STPG4: variants seen among roughly 807,000 people sequenced by gnomAD.
The protein encoded by STPG4 is sperm-tail PG-rich repeat containing 4.
A neutral mutation model predicts 31.5 loss-of-function variants in STPG4; 41 were observed. That is an observed-to-expected ratio of 1.30 (90% CI 1.01 to 1.69). The LOEUF (loss-of-function observed/expected upper bound fraction) is 1.69, where lower values mean the gene tolerates loss of function less well. Among genes scored for constraint, STPG4 ranks in the 40% most tolerant of loss-of-function variants. The pLI is 0.00. For missense variants in STPG4, 375 were observed against 293.4 expected (o/e 1.28, Z -2.03); for synonymous variants, 141 against 103.0 (o/e 1.37, Z -2.24).
chr2:47,087,157 T>C (rs1001478393), intron 6 of STPG4, 27 bp from the exon 7 acceptor site: 13 of 1,550,266 alleles, frequency 8.4e-6, no homozygotes, highest in Non-Finnish European at 1.1e-5. Context: ...AAACAGGGAC[T>C]GATGAGACAG....
intron 3 of STPG4, among the ~76,000 whole-genome samples, chr2:47,140,351 G>A (rs1175626870): frequency 6.6e-6 from 1 of 152,080 alleles, no homozygotes; most frequent in Non-Finnish European, 1.5e-5. Context: ...CCAGCAGCAG[G>A]GGCAGGATTT....
intron 5 of STPG4, among the ~76,000 whole-genome samples, chr2:47,128,488 A>C (rs1336255142): frequency 1.3e-5 from 2 of 152,066 alleles, no homozygotes; most frequent in African/African-American, 4.8e-5. Flanking sequence ...ACTCTATACT[A>C]CTGCAGCTAA....
chr2:47,147,217 C>A (rs1303467349), intron 3 of STPG4, among the ~76,000 whole-genome samples: 8 of 152,118 alleles, frequency 5.3e-5, no homozygotes, highest in African/African-American at 1.9e-4. Flanking sequence ...CAGTGCCCAT[C>A]AGAGGTGAAG....
At chr2:47,130,973 C>G (rs886651324) in intron 3 of STPG4, among the ~76,000 whole-genome samples, 1 of 151,914 alleles carries the variant, frequency 6.6e-6, no homozygotes, top group Non-Finnish European at 1.5e-5. Context: ...TGCCACTGCA[C>G]CCAGCTACTT....
At chr2:47,117,142 G>C (rs775803897) in intron 5 of STPG4, among the ~76,000 whole-genome samples, 3 of 152,130 alleles carry the variant, frequency 2.0e-5, no homozygotes, top group Non-Finnish European at 4.4e-5. Context: ...TTGCTGGGAA[G>C]CTTATCAAGC....
chr2:47,126,554 T>C (rs1264373328), intron 5 of STPG4, among the ~76,000 whole-genome samples: 1 of 152,186 alleles, frequency 6.6e-6, no homozygotes, highest in Non-Finnish European at 1.5e-5. Context: ...CTTGAACTGC[T>C]GGACTCAAGC....
chr2:47,114,841 C>G (rs1470137635), intron 5 of STPG4, among the ~76,000 whole-genome samples: 1 of 152,038 alleles, frequency 6.6e-6, no homozygotes, highest in Non-Finnish European at 1.5e-5. Context: ...GATCTTGGCT[C>G]ACTGAAACCT....
In STPG4 at chr2:47,096,275, G is replaced by A. The variant is rs556914030; in HGVS notation, c.520-5901C>T. Among the ~76,000 whole-genome samples the A allele has an allele frequency of 3.9e-5, 6 of 152,298 alleles. No individual in the cohort carries two copies. The South Asian group carries it at 1.2e-3, about 32-fold the overall frequency. Reference sequence around the variant, plus strand: ...ATAGGATGCTATGGAGAGCACCTCAGAGAGTAAACCCATCTGGTCCAAGGG... The same window carrying A: ...ATAGGATGCTATGGAGAGCACCTCAAAGAGTAAACCCATCTGGTCCAAGGG... On this transcript the variant is annotated intron_variant, in intron 5 of 6. Coordinates refer to ENST00000445927, the MANE Select transcript of STPG4 (RefSeq NM_001163561.2).
chr2:47,106,982 T>C (rs1315893130), intron 5 of STPG4, among the ~76,000 whole-genome samples: 1 of 151,944 alleles, frequency 6.6e-6, no homozygotes, highest in Non-Finnish European at 1.5e-5. Context: ...ACCTCCCCTC[T>C]GGAGGACACT....
chr2:47,120,070 C>T (rs1351583162), intron 5 of STPG4, among the ~76,000 whole-genome samples: 3 of 152,278 alleles, frequency 2.0e-5, no homozygotes, highest in East Asian at 3.9e-4. Flanking sequence ...GTGGCTCATG[C>T]CTGTAATCCC....
chr2:47,093,316 G>T (rs1294732283), intron 5 of STPG4, among the ~76,000 whole-genome samples: 1 of 152,224 alleles, frequency 6.6e-6, no homozygotes, highest in Non-Finnish European at 1.5e-5. Context: ...TGTGACAGAG[G>T]TTGCTGTCAG....
intron 3 of STPG4, among the ~76,000 whole-genome samples, chr2:47,150,098 T>C (rs1421227345): frequency 1.3e-5 from 2 of 152,224 alleles, no homozygotes; most frequent in African/African-American, 4.8e-5. Context: ...GCATGTAAAA[T>C]GGAGTTAATA....
intron 5 of STPG4, among the ~76,000 whole-genome samples, chr2:47,121,449 G>C (rs1414543532): frequency 6.6e-6 from 1 of 152,150 alleles, no homozygotes; most frequent in Non-Finnish European, 1.5e-5. Flanking sequence ...AAGCTGATGA[G>C]TCGTTTTGAA....
intron 5 of STPG4, among the ~76,000 whole-genome samples, chr2:47,113,249 G>A (rs1253823463): frequency 1.3e-5 from 2 of 152,070 alleles, no homozygotes; most frequent in Non-Finnish European, 1.5e-5. Flanking sequence ...TGACACAGAC[G>A]TTTTAGATTT....
At chr2:47,114,710 G>C (rs1018914918) in intron 5 of STPG4, among the ~76,000 whole-genome samples, 1 of 152,108 alleles carries the variant, frequency 6.6e-6, no homozygotes, top group Non-Finnish European at 1.5e-5. Context: ...ACAGGTTCAT[G>C]TCTTTGTGAG....
At chr2:47,142,865 CA>C (rs1367994541) in intron 3 of STPG4, among the ~76,000 whole-genome samples, 9 of 69,304 alleles carry the variant, frequency 1.3e-4, no homozygotes, top group Non-Finnish European at 2.1e-4. Flanking sequence ...TTTTTTGAGA[CA>C]GAGTTTTGCT....
intron 3 of STPG4, among the ~76,000 whole-genome samples, chr2:47,146,050 A>G (rs1046212595): frequency 6.6e-6 from 1 of 152,196 alleles, no homozygotes; most frequent in African/African-American, 2.4e-5. Context: ...TTGAGGTAGG[A>G]GTGTGAGTGC....
chr2:47,131,992 C>G (rs1686494411), intron 3 of STPG4, among the ~76,000 whole-genome samples: 1 of 152,116 alleles, frequency 6.6e-6, no homozygotes, highest in Non-Finnish European at 1.5e-5. Context: ...TGGCAAAACC[C>G]TGTCTCTACT....
At chr2:47,096,550 T>C (rs1011392611) in intron 5 of STPG4, among the ~76,000 whole-genome samples, 7 of 152,250 alleles carry the variant, frequency 4.6e-5, no homozygotes, top group African/African-American at 1.7e-4. Context: ...CGCCGAGATA[T>C]CTTCATCTGT....
Sources: allele counts gnomAD v4.1 joint callset (sites outside exome capture counted in the v4.1 genomes callset), GRCh38; gene constraint gnomAD v4.1.1; transcripts MANE v1.5; gene names NCBI Gene and HGNC (gene_info 2026-07-23, HGNC 2026-07-21).